The following ARID1B variants were observed in gnomAD, a reference collection of about 807,000 sequenced individuals.
The protein encoded by ARID1B is AT-rich interaction domain 1B.
A neutral mutation model predicts 212.3 loss-of-function variants in ARID1B; 30 were observed. The observed-to-expected ratio is 0.14, with a 90% CI of 0.11 to 0.19. The LOEUF (loss-of-function observed/expected upper bound fraction) is 0.19. Ranked by LOEUF, ARID1B falls within the 10% of genes least tolerant of loss-of-function variation. The probability of loss-of-function intolerance (pLI) is 1.00; values close to 1 mark genes in which losing one functional copy is unlikely to be tolerated. For synonymous variants in ARID1B, 1,402 were observed against 1,301.7 expected (o/e 1.08, Z -1.66); for missense variants, 2,891 against 3,204.0 (o/e 0.90, Z 2.36).
chr6:156,806,456 A>T (rs1484134935), intron 1 of ARID1B, among the ~76,000 whole-genome samples: 1 of 152,068 alleles, frequency 6.6e-6, no homozygotes, highest in Non-Finnish European at 1.5e-5. Flanking sequence ...CATTTCACAG[A>T]CTTTACTGTA....
chr6:156,822,117 T>G (rs934938138), intron 1 of ARID1B, among the ~76,000 whole-genome samples: 2 of 152,308 alleles, frequency 1.3e-5, no homozygotes, highest in Non-Finnish European at 1.5e-5. Flanking sequence ...GTGCTGAGAT[T>G]ACAGGTGTGA....
At chr6:156,931,190 CAAAAAAAA>C (rs11309121) in intron 3 of ARID1B, among the ~76,000 whole-genome samples, 3 of 90,186 alleles carry the variant, frequency 3.3e-5, no homozygotes, top group Non-Finnish European at 4.7e-5. Context: ...GACTCAGTCT[CAAAAAAAA>C]AAAAAAAAAA....
intron 4 of ARID1B, chr6:156,977,209 G>T: frequency 5.7e-6 from 1 of 175,494 alleles, no homozygotes; most frequent in Non-Finnish European, 1.2e-5. Flanking sequence ...TTTCATATCT[G>T]TAGATTTACA....
intron 4 of ARID1B, among the ~76,000 whole-genome samples, chr6:156,990,533 C>T (rs1004873554): frequency 1.4e-4 from 21 of 152,016 alleles, no homozygotes; most frequent in African/African-American, 2.7e-4. Context: ...CCCAGCCACT[C>T]GGGAGGCTGA....
At chr6:157,114,135 A>G (rs953674131) in intron 6 of ARID1B, among the ~76,000 whole-genome samples, 9 of 152,222 alleles carry the variant, frequency 5.9e-5, no homozygotes, top group Non-Finnish European at 1.3e-4. Flanking sequence ...AACTTTGTTT[A>G]TACTCTTACG....
At chr6:157,098,719 G>A (rs1016800592) in intron 5 of ARID1B, among the ~76,000 whole-genome samples, 1 of 152,104 alleles carries the variant, frequency 6.6e-6, no homozygotes, top group South Asian at 2.1e-4. Flanking sequence ...TTATTTAATG[G>A]CTGTTTTATC....
intron 16 of ARID1B, among the ~76,000 whole-genome samples, chr6:157,197,891 CT>C (rs1373061755): frequency 6.6e-6 from 1 of 152,180 alleles, no homozygotes; most frequent in Non-Finnish European, 1.5e-5. Context: ...TCTGCATTTC[CT>C]TCTTAGATAT....
chr6:156,884,391 A>G (rs981614621), intron 2 of ARID1B, among the ~76,000 whole-genome samples: 1 of 152,126 alleles, frequency 6.6e-6, no homozygotes, highest in East Asian at 1.9e-4. Flanking sequence ...CAACCTGATG[A>G]AAAACTGAAA....
intron 4 of ARID1B, among the ~76,000 whole-genome samples, chr6:156,953,514 A>G (rs1195533852): frequency 6.6e-6 from 1 of 152,184 alleles, no homozygotes; most frequent in East Asian, 1.9e-4. Context: ...AAAAAGAAAA[A>G]AATCGGACTC....
rs1562494771 is a variant in ARID1B at position 156,934,938 on chromosome 6, ATATATATATATATATATATATAT to A, written c.2137-527_2137-505del. Among the ~76,000 whole-genome samples, 164 of 93,752 alleles carry A rather than the reference ATATATATATATATATATATATAT, an allele frequency of 1.7e-3. 4 individuals carry two copies. The highest frequency in any genetic ancestry group is 5.9e-3 in the African/African-American group (152 of 25,614). The allele number at this position is 93,752 out of a possible 152,430, so 61.5% of individuals were successfully genotyped here. On this transcript the variant is annotated intron_variant, in intron 3 of 19. Transcript: ENST00000636930. The stretch of plus-strand genomic sequence containing the variant: ...TATATATATATATATATATATATAT[ATATATATATATATATATATATAT>A]AGTTTATATTTCTGCTGTTATTCAC...
At chr6:157,189,074 A>G (rs1036360477) in intron 13 of ARID1B, among the ~76,000 whole-genome samples, 5 of 152,242 alleles carry the variant, frequency 3.3e-5, no homozygotes, top group Non-Finnish European at 7.3e-5. Flanking sequence ...CAGCACAGAC[A>G]CATTCAGATG....
rs761668764 is a variant in ARID1B, at chr6:156,829,257, A to C, written c.1822A>C (p.Arg608=). 1.9e-6 allele frequency: 3 copies of C among 1,614,128 alleles called. No homozygotes were observed. Among genetic ancestry groups the C allele is most frequent in the Non-Finnish European group, 1.7e-6 (2 of 1,179,972 alleles). ...CCCAATGGATCCAATGGTGATGAAG[A>C]GACCTCAGTTGTATGGCATGGGCAG... ...GSPMDPMVMK[R]PQLYGMGSNP... The change falls in exon 2 of 20, where the codon AGA becomes CGA. Residue 608 remains arginine, a synonymous_variant. Transcript: ENST00000636930.
At chr6:156,917,673 A>G (rs1451848248) in intron 3 of ARID1B, among the ~76,000 whole-genome samples, 1 of 152,216 alleles carries the variant, frequency 6.6e-6, no homozygotes, top group Non-Finnish European at 1.5e-5. Context: ...GGTCATTTAG[A>G]TGGAGCATAT....
intron 4 of ARID1B, chr6:157,030,289 A>G (rs1161402854): frequency 6.6e-6 from 1 of 152,306 alleles, no homozygotes; most frequent in Non-Finnish European, 1.5e-5. Context: ...TTGTGTTTCA[A>G]GAGAATGATT....
chr6:157,023,532 T>G (rs932809354), intron 4 of ARID1B: 1 of 152,236 alleles, frequency 6.6e-6, no homozygotes, highest in Non-Finnish European at 1.5e-5. Context: ...AGTAAAAGAT[T>G]TCTCCCCATC....
intron 4 of ARID1B, among the ~76,000 whole-genome samples, chr6:157,033,965 A>C (rs1781168678): frequency 2.0e-5 from 3 of 152,168 alleles, no homozygotes; most frequent in South Asian, 4.2e-4. Flanking sequence ...GTCTCATCAG[A>C]GTATTCAAAT....
chr6:156,938,268 G>A (rs572300620), intron 4 of ARID1B: 4 of 152,242 alleles, frequency 2.6e-5, no homozygotes, highest in Admixed American at 2.0e-4. Context: ...ACTCTGTTAC[G>A]GCTCTAATAG....
At chr6:156,853,271 A>G (rs1192969029) in intron 2 of ARID1B, among the ~76,000 whole-genome samples, 1 of 152,240 alleles carries the variant, frequency 6.6e-6, no homozygotes, top group Non-Finnish European at 1.5e-5. Context: ...AATGAATTTG[A>G]AATATTTGGA....
At chr6:156,945,124 A>C (rs1180005912) in intron 4 of ARID1B, among the ~76,000 whole-genome samples, 3 of 131,204 alleles carry the variant, frequency 2.3e-5, no homozygotes, top group Non-Finnish European at 1.6e-5. Flanking sequence ...TTTAGTAGAG[A>C]CGGGGTTTCA....
Sources: gnomAD v4.1 joint callset for allele counts (sites outside exome capture counted in the v4.1 genomes callset) on GRCh38, gnomAD v4.1.1 for gene constraint, MANE v1.5 for transcripts, NCBI Gene and HGNC (gene_info 2026-07-23, HGNC 2026-07-21) for gene names.